XYLB: variants seen among roughly 807,000 people sequenced by gnomAD.
XYLB encodes the protein xylulose kinase.
Under a neutral mutation model 78.7 loss-of-function variants are expected in XYLB, and 62 were observed. The observed-to-expected ratio is 0.79, with a 90% CI of 0.64 to 0.97. XYLB has a LOEUF of 0.97. Ranked by LOEUF, XYLB falls within the 50% of genes least tolerant of loss-of-function variation. The probability of loss-of-function intolerance (pLI) is 0.00; values close to 1 mark genes in which losing one functional copy is unlikely to be tolerated. For missense variants in XYLB, 687 were observed against 676.8 expected (o/e 1.02, Z -0.17); for synonymous variants, 245 against 247.4 (o/e 0.99, Z 0.09).
intron 10 of XYLB, among the ~76,000 whole-genome samples, chr3:38,374,015 C>G (rs1706713295): frequency 6.9e-6 from 1 of 145,326 alleles, no homozygotes; most frequent in African/African-American, 2.7e-5. Context: ...GAGACCCCAC[C>G]TATATATCTC....
At chr3:38,387,175 A>G (rs546368535) in intron 15 of XYLB, among the ~76,000 whole-genome samples, 2 of 152,206 alleles carry the variant, frequency 1.3e-5, no homozygotes, top group East Asian at 3.9e-4. Context: ...TCTGTGGGTT[A>G]ATGTCTTCCA....
chr3:38,356,317 T>A (rs879832993), intron 2 of XYLB: 2 of 152,898 alleles, frequency 1.3e-5, no homozygotes, highest in African/African-American at 2.4e-5. Context: ...ACCATAAAAT[T>A]CACCTTTTAA....
chr3:38,441,537 T>C, the XYLB span, among the ~76,000 whole-genome samples: 1 of 152,198 alleles, frequency 6.6e-6, no homozygotes, highest in Non-Finnish European at 1.5e-5. Context: ...TGGTTCTCCA[T>C]CCTCTGGGAG....
At chr3:38,368,327 A>G in intron 8 of XYLB, 70 bp downstream of exon 8, 3 of 1,420,072 alleles carry the variant, frequency 2.1e-6, no homozygotes, top group Non-Finnish European at 2.0e-6. Context: ...AAGCAGTGGG[A>G]GCCCCACCTA....
chr3:38,355,299 T>C (rs1166607196), intron 2 of XYLB, among the ~76,000 whole-genome samples: 2 of 152,184 alleles, frequency 1.3e-5, no homozygotes, highest in African/African-American at 4.8e-5. Flanking sequence ...CTAGCTACTG[T>C]TAGCTACCTA....
At position 38,414,410 on chromosome 3, in the gene XYLB, G is replaced by A. The variant is rs12636358; in HGVS notation, c.*1397G>A. ...GATACAACAGCAAGCCCAAGATTCCGAAGAAGACAGACAACTCCCCCTAGT... is the reference window on the plus strand; with the variant it reads ...GATACAACAGCAAGCCCAAGATTCCAAAGAAGACAGACAACTCCCCCTAGT... On this transcript the variant is annotated 3_prime_UTR_variant, in exon 19 of 19. Transcript: ENST00000207870. The A allele has an allele frequency of 0.061, 9,277 of 152,206 alleles. 450 individuals are homozygous for A. The highest frequency in any genetic ancestry group is 0.19 in the East Asian group (983 of 5,180). 9.4% of individuals were successfully genotyped at this position (152,206 alleles called of 1,614,324 possible). A position where few individuals can be genotyped will look rare whatever the true frequency, so the allele number is the denominator to read the frequency against.
chr3:38,386,971 A>T (rs1305384119), intron 15 of XYLB, among the ~76,000 whole-genome samples: 1 of 152,172 alleles, frequency 6.6e-6, no homozygotes, highest in East Asian at 1.9e-4. Context: ...TTGACTTCTA[A>T]TGTTTCAGAT....
chr3:38,365,314 A>G (rs1706195131), intron 5 of XYLB, 29 bp downstream of exon 5: 3 of 1,610,016 alleles, frequency 1.9e-6, no homozygotes, highest in East Asian at 4.5e-5. Context: ...TGTGAGTGTG[A>G]GAAACTTCTG....
chr3:38,367,042 G>A lies in XYLB; in HGVS notation c.573+169G>A, dbSNP rs114143496. ...ATTGTCAGGACATTTCCAAAGAGGA[G>A]GGGAAGAATGGAATGTGGGAAAGAG... On this transcript the variant is annotated intron_variant, in intron 7 of 18. Coordinates refer to ENST00000207870, the MANE Select transcript of XYLB (RefSeq NM_005108.4). Among the ~76,000 whole-genome samples, 396 of 152,214 alleles carry A rather than the reference G, an allele frequency of 2.6e-3. 5 individuals are homozygous for A. The highest frequency in any genetic ancestry group is 9.3e-3 in the African/African-American group (385 of 41,542).
Position 38,370,132 on chromosome 3 carries a change from AGAG to A in XYLB, c.727_729del (p.Glu243del). The A allele has an allele frequency of 2.5e-6, 4 of 1,614,144 alleles. No individual in the cohort carries two copies. The highest frequency in any genetic ancestry group is 3.4e-6 in the Non-Finnish European group (4 of 1,180,024). Reference sequence around the variant, plus strand: ...GCCTTGGTGCCTGTGCACCTCATTTAGAGGAGAAGCTTAGCCCACCAGTACCAT... The same window carrying A: ...GCCTTGGTGCCTGTGCACCTCATTTAGAGAAGCTTAGCCCACCAGTACCAT... On this transcript the variant is annotated inframe_deletion, in exon 9 of 19. Coordinates refer to ENST00000207870, the MANE Select transcript of XYLB (RefSeq NM_005108.4).
intron 17 of XYLB, 80 bp from the exon 18 acceptor site, chr3:38,400,811 C>A: frequency 8.4e-7 from 1 of 1,188,554 alleles, no homozygotes; most frequent in South Asian, 1.3e-5. Flanking sequence ...TTTGCCACCC[C>A]AGTGAGATCC....
downstream of XYLB, among the ~76,000 whole-genome samples, chr3:38,415,712 G>A (rs1299713726): frequency 6.6e-6 from 1 of 152,150 alleles, no homozygotes; most frequent in Non-Finnish European, 1.5e-5. Flanking sequence ...GAACCCGGGG[G>A]CAGAGATTGC....
the XYLB span, among the ~76,000 whole-genome samples, chr3:38,447,470 A>ATTTTT: frequency 4.0e-5 from 5 of 124,948 alleles, no homozygotes; most frequent in African/African-American, 6.9e-5. Flanking sequence ...CATCTGGCTA[A>ATTTTT]TTTTTTTTTT....
chr3:38,411,458 C>A (rs1186360366), intron 18 of XYLB, among the ~76,000 whole-genome samples: 2 of 151,810 alleles, frequency 1.3e-5, no homozygotes, highest in African/African-American at 2.4e-5. Flanking sequence ...TGCAGCACAC[C>A]AGCATGGCAC....
At chr3:38,410,037 A>G (rs570637199) in intron 18 of XYLB, among the ~76,000 whole-genome samples, 2 of 152,224 alleles carry the variant, frequency 1.3e-5, no homozygotes, top group African/African-American at 4.8e-5. Context: ...ATACTACTTT[A>G]AAGTTCATAT....
At chr3:38,409,442 C>T (rs1418033511) in intron 18 of XYLB, among the ~76,000 whole-genome samples, 1 of 152,136 alleles carries the variant, frequency 6.6e-6, no homozygotes, top group East Asian at 1.9e-4. Flanking sequence ...ACTGAATGGG[C>T]AAAAACTAGA....
intron 2 of XYLB, among the ~76,000 whole-genome samples, chr3:38,348,973 A>G (rs1705214982): frequency 6.6e-6 from 1 of 152,200 alleles, no homozygotes; most frequent in Admixed American, 6.5e-5. Context: ...AGAGTGTTTC[A>G]TTATAAACTC....
chr3:38,368,787 G>T (rs1706391923), intron 8 of XYLB, among the ~76,000 whole-genome samples: 1 of 152,196 alleles, frequency 6.6e-6, no homozygotes, highest in Non-Finnish European at 1.5e-5. Flanking sequence ...ACTAGGTACG[G>T]TTGACCCAGT....
intron 15 of XYLB, among the ~76,000 whole-genome samples, chr3:38,392,832 A>C (rs75217017): frequency 0.018 from 2,805 of 152,314 alleles, 89 homozygotes; most frequent in African/African-American, 0.063. Flanking sequence ...GATGAAATTC[A>C]TCAATTTTTC....
Sources: gnomAD v4.1 joint callset for allele counts (sites outside exome capture counted in the v4.1 genomes callset) on GRCh38, gnomAD v4.1.1 for gene constraint, MANE v1.5 for transcripts, NCBI Gene and HGNC (gene_info 2026-07-23, HGNC 2026-07-21) for gene names.